The following LGI2 variants were observed in gnomAD, a reference collection of about 807,000 sequenced individuals.
The protein encoded by LGI2 is leucine rich repeat LGI family member 2, also known as leucine-rich repeat LGI family member 2.
LGI2 carries 30 observed loss-of-function variants against 52.0 expected under a neutral mutation model. The observed-to-expected ratio is 0.58, with a 90% CI of 0.43 to 0.78. LGI2 has a LOEUF of 0.78. Ranked by LOEUF, LGI2 falls within the 30% of genes least tolerant of loss-of-function variation. The pLI is 0.00. For missense variants in LGI2, 573 were observed against 692.5 expected (o/e 0.83, Z 1.94); for synonymous variants, 270 against 271.8 (o/e 0.99, Z 0.06).
At chr4:25,016,321 C>T (rs1253053639) in intron 6 of LGI2, among the ~76,000 whole-genome samples, 1 of 152,234 alleles carries the variant, frequency 6.6e-6, no homozygotes, top group Non-Finnish European at 1.5e-5. Context: ...CTGCAAATTT[C>T]ACCTTGGTGT....
At chr4:24,995,526 C>T (rs1725045631), downstream of LGI2, among the ~76,000 whole-genome samples, 2 of 152,306 alleles carry the variant, frequency 1.3e-5, no homozygotes, top group Non-Finnish European at 2.9e-5. Flanking sequence ...AGACTGCTGG[C>T]AGAAGAACTC....
rs1290783994 is a variant in LGI2 at position 25,030,742 on chromosome 4, C to T, written c.-49G>A. On this transcript the variant is annotated 5_prime_UTR_variant, in exon 1 of 8. Transcript: ENST00000382114. Reference sequence around the variant, plus strand: ...GGCCCCGACCCCCACCGCCGCGCCGCGCGCTCGGACCCGGCGCCGCTGCAG... The same window carrying T: ...GGCCCCGACCCCCACCGCCGCGCCGTGCGCTCGGACCCGGCGCCGCTGCAG... 1.8e-5 allele frequency: 19 copies of T among 1,072,722 alleles called. No homozygotes were observed. Among genetic ancestry groups the T allele is most frequent in the Non-Finnish European group, 2.1e-5 (18 of 876,188 alleles). 66.5% of individuals were successfully genotyped at this position (1,072,722 alleles called of 1,614,324 possible).
At chr4:25,018,570 A>G (rs1725847773) in intron 5 of LGI2, among the ~76,000 whole-genome samples, 1 of 152,216 alleles carries the variant, frequency 6.6e-6, no homozygotes, top group Non-Finnish European at 1.5e-5. Flanking sequence ...TGTTAAAACT[A>G]CGTCCAGTAG....
chr4:25,014,830 CAAAAAAAAAAA>C (rs60168915), intron 6 of LGI2, among the ~76,000 whole-genome samples: 2 of 85,808 alleles, frequency 2.3e-5, no homozygotes, highest in Admixed American at 3.0e-4. Flanking sequence ...GACCTTGTCT[CAAAAAAAAAAA>C]AAAAAAAAAA....
intron 7 of LGI2, among the ~76,000 whole-genome samples, chr4:25,009,026 G>A (rs115420202): frequency 0.013 from 1,919 of 152,278 alleles, 41 homozygotes; most frequent in African/African-American, 0.043. Flanking sequence ...ACTGTGCTTC[G>A]ACCTTTGTGC....
intron 6 of LGI2, among the ~76,000 whole-genome samples, chr4:25,015,510 G>A (rs767150862): frequency 1.1e-4 from 16 of 152,126 alleles, no homozygotes; most frequent in Admixed American, 3.9e-4. Context: ...AATGGTAACA[G>A]TACCTTCCTC....
chr4:25,016,753 T>C (rs1168411396), intron 6 of LGI2, among the ~76,000 whole-genome samples: 1 of 152,238 alleles, frequency 6.6e-6, no homozygotes, highest in Non-Finnish European at 1.5e-5. Context: ...CTGGCCTAAA[T>C]ATGATATTTT....
At chr4:25,029,006 G>A (rs1311830706) in intron 1 of LGI2, among the ~76,000 whole-genome samples, 1 of 152,114 alleles carries the variant, frequency 6.6e-6, no homozygotes, top group East Asian at 1.9e-4. Context: ...CCCCATCTCT[G>A]AAAGACAGAG....
chr4:25,021,870 G>A (rs1258378125), intron 4 of LGI2, among the ~76,000 whole-genome samples: 1 of 147,270 alleles, frequency 6.8e-6, no homozygotes, highest in Non-Finnish European at 1.5e-5. Context: ...GGCTGAGGTT[G>A]CAGTGAGCCA....
At chr4:25,005,658 G>C (rs937468065) in intron 7 of LGI2, among the ~76,000 whole-genome samples, 1 of 152,010 alleles carries the variant, frequency 6.6e-6, no homozygotes, top group East Asian at 1.9e-4. Context: ...GGGGTTGCGG[G>C]GGGTAAGGGA....
Position 25,003,375 on chromosome 4 carries a change from T to G in LGI2, c.*76A>C. 1 of 1,055,352 alleles carries G rather than the reference T, an allele frequency of 9.5e-7. No individual in the cohort carries two copies. Among genetic ancestry groups the G allele is most frequent in the South Asian group, 1.7e-5 (1 of 59,016 alleles). The allele number at this position is 1,055,352 out of a possible 1,614,324, so 65.4% of individuals were successfully genotyped here. On this transcript the variant is annotated 3_prime_UTR_variant, in exon 8 of 8. Transcript: ENST00000382114. ...TTCAGAGCTCTGAGCCTGGCTTTGA[T>G]TTGTTTGTTGATTTTTCTTGGTCCT...
At chr4:24,995,126 C>A (rs1166342502), downstream of LGI2, among the ~76,000 whole-genome samples, 1 of 152,192 alleles carries the variant, frequency 6.6e-6, no homozygotes, top group Non-Finnish European at 1.5e-5. Flanking sequence ...GAAATGACTT[C>A]TCTCCCTTAA....
chr4:24,992,563 A>G, the LGI2 span, among the ~76,000 whole-genome samples: 9 of 152,114 alleles, frequency 5.9e-5, no homozygotes, highest in Non-Finnish European at 1.3e-4. Context: ...AAAATAAAAA[A>G]AAATAAAAAA....
Position 25,030,673 on chromosome 4 carries a change from G to A in LGI2, c.21C>T (p.Gly7=). 1 of 1,509,896 alleles carries A rather than the reference G, an allele frequency of 6.6e-7. No homozygotes were observed. Among genetic ancestry groups the A allele is most frequent in the Non-Finnish European group, 8.8e-7 (1 of 1,133,258 alleles). The allele number at this position is 1,509,896 out of a possible 1,614,324, so 93.5% of individuals were successfully genotyped here. A position where few individuals can be genotyped will look rare whatever the true frequency, so the allele number is the denominator to read the frequency against. ...GCAGCAGCAGCCCGAGCGCTCCGCA[G>A]CCGCCTCTCCGCAGCGCCATGCCCG... MALRRG[G]CGALGLLLLL... The change falls in exon 1 of 8, where the codon GGC becomes GGT. Residue 7 remains glycine (G), a synonymous_variant. Transcript: ENST00000382114.
At chr4:25,028,723 C>G (rs1326165724) in intron 1 of LGI2, 145 bp from the exon 2 acceptor site, 6 of 669,368 alleles carry the variant, frequency 9.0e-6, no homozygotes, top group Non-Finnish European at 1.3e-5. Flanking sequence ...GGATCTTCCC[C>G]GGGGTAGGAA....
At chr4:24,992,756 C>T in the LGI2 span, among the ~76,000 whole-genome samples, 4 of 151,952 alleles carry the variant, frequency 2.6e-5, no homozygotes, top group Non-Finnish European at 5.9e-5. Flanking sequence ...TCATATGACC[C>T]ACGCAGCAAA....
Position 25,004,808 on chromosome 4 carries a change from C to T in LGI2, c.821-540G>A, listed in dbSNP as rs59725997. Among the ~76,000 whole-genome samples, 240 of 152,274 alleles carry T rather than the reference C, an allele frequency of 1.6e-3. 1 individual carries two copies. In the East Asian group the frequency reaches 0.021, roughly 13 times the overall value. The stretch of plus-strand genomic sequence containing the variant: ...TGTTGCTTATAAGCCACTCAGTCTA[C>T]GGTATTCTGTTGCAGCAGCCCAAAC... On this transcript the variant is annotated intron_variant, in intron 7 of 7. Coordinates refer to ENST00000382114, the MANE Select transcript of LGI2 (RefSeq NM_018176.4). The surrounding 1 kb of genome is among the most constrained non-coding windows in gnomAD (Gnocchi z 4.6).
chr4:24,994,260 G>A (rs571936502), downstream of LGI2, among the ~76,000 whole-genome samples: 2 of 152,258 alleles, frequency 1.3e-5, no homozygotes, highest in South Asian at 4.2e-4. Context: ...TTTTCCAAGT[G>A]GTTAAAAATA....
chr4:25,006,924 G>A (rs1725407190), intron 7 of LGI2, among the ~76,000 whole-genome samples: 1 of 152,098 alleles, frequency 6.6e-6, no homozygotes, highest in African/African-American at 2.4e-5. Context: ...ATACAAACCA[G>A]TTGTACTATA....
Sources: allele counts gnomAD v4.1 joint callset (sites outside exome capture counted in the v4.1 genomes callset), GRCh38; gene constraint gnomAD v4.1.1; non-coding constraint Gnocchi (gnomAD v3.1); transcripts MANE v1.5; gene names NCBI Gene and HGNC (gene_info 2026-07-23, HGNC 2026-07-21).